Variants in RNF213 observed in about 807,000 individuals in gnomAD.
RNF213 encodes the protein E3 ubiquitin-protein ligase RNF213.
RNF213 carries 341 observed loss-of-function variants against 514.4 expected under a neutral mutation model. That is an observed-to-expected ratio of 0.66 (90% confidence interval 0.61 to 0.73). The LOEUF is 0.73. Ranked by LOEUF, RNF213 falls within the 30% of genes least tolerant of loss-of-function variation. The pLI is 0.00. For synonymous variants in RNF213, 2,655 were observed against 2,658.2 expected (o/e 1.00, Z 0.04); for missense variants, 5,767 against 6,615.6 (o/e 0.87, Z 4.45).
chr17:80,356,040 C>T (rs538504327), intron 36 of RNF213, among the ~76,000 whole-genome samples: 7 of 149,214 alleles, frequency 4.7e-5, no homozygotes, highest in South Asian at 2.1e-4. Flanking sequence ...CTCACTCTGT[C>T]GCCCAGGCTG....
In RNF213 at chr17:80,385,041, A is replaced by G. The variant is rs1490678664; in HGVS notation, c.14325A>G (p.Glu4775=). 6.2e-7 allele frequency: 1 copy of G among 1,614,228 alleles called. No individual in the cohort carries two copies. ...VPILWHFLQK[E]AELRLVKFLP... is the part of the protein sequence containing the mutation. Reference sequence around the variant, plus strand: ...CTGGGTGGTCTTCCCTTCTCCAGGAAGCAGAGCTGAGGCTGGTAAAGTTCC... The same window carrying G: ...CTGGGTGGTCTTCCCTTCTCCAGGAGGCAGAGCTGAGGCTGGTAAAGTTCC... The change falls in exon 60 of 68, where the codon GAA becomes GAG. Residue 4775 remains glutamate (E), a splice_region_variant and synonymous_variant. Transcript: ENST00000582970.
In RNF213 at chr17:80,363,753, A is replaced by G. The variant is rs1272164034; in HGVS notation, c.11713A>G (p.Ser3905Gly). Reference protein sequence around the residue: ...LICSDEHMQGSGSLAQAVIRE... With the variant: ...LICSDEHMQGGGSLAQAVIRE... ...CTGCTCCGATGAGCACATGCAAGGC[A>G]GCGGGAGCCTGGCCCAGGCTGTCAT... Residue 3905 changes from serine (S) to glycine (G), a missense_variant, in exon 41 of 68, where the codon AGC becomes GGC. By Grantham distance (56) the Ser-to-Gly change is moderately conservative. Around this residue, in one of 13 missense-constraint regions of RNF213, gnomAD observed 355 missense variants for 358.0 expected, o/e 0.99. Coordinates refer to ENST00000582970, the MANE Select transcript of RNF213 (RefSeq NM_001256071.3). 4 of 1,613,700 alleles carry G rather than the reference A, an allele frequency of 2.5e-6. No homozygotes were observed. The highest frequency in any genetic ancestry group is 1.3e-5 in the African/African-American group (1 of 74,946).
Position 80,339,777 on chromosome 17 carries a change from C to G in RNF213, c.5410C>G (p.His1804Asp). The G allele has an allele frequency of 6.5e-7, 1 of 1,535,786 alleles. No individual in the cohort carries two copies. The highest frequency in any genetic ancestry group is 8.7e-7 in the Non-Finnish European group (1 of 1,145,764). ...CTGCCTCGACCTAGAGACCCTTGGC[C>G]ACTGTCTGGCTCACCTGGCAGGGAT... ...PDCLDLETLG[H>D]CLAHLAGMGG... Residue 1804 changes from histidine (H) to aspartate (D), a missense_variant, in exon 26 of 68, where the codon CAC (histidine) becomes GAC (aspartate). His to Asp is a moderately conservative substitution (Grantham distance 81). Transcript: ENST00000582970.
intron 11 of RNF213, among the ~76,000 whole-genome samples, chr17:80,303,001 T>C (rs1276468193): frequency 6.6e-6 from 1 of 152,190 alleles, no homozygotes; most frequent in Non-Finnish European, 1.5e-5. Flanking sequence ...CTTGAAATGG[T>C]CTTTCTCTTA....
Position 80,349,822 on chromosome 17 carries a change from C to T in RNF213, c.10004C>T (p.Ser3335Leu), listed in dbSNP as rs771932090. ...AGTCACGACTGTGAAATTTTAGAAT[C>T]AGAGGTCACAGGCAGGGCTCCGAAA... is the stretch of plus-strand genomic sequence containing the variant. Reference protein sequence around the residue: ...LTSHDCEILESEVTGRAPKPT... With the variant: ...LTSHDCEILELEVTGRAPKPT... The change falls in exon 30 of 68, where the codon TCA (serine) becomes TTA (leucine). Residue 3335 changes from serine to leucine, a missense_variant. Transcript: ENST00000582970. 3 of 1,614,048 alleles carry T rather than the reference C, an allele frequency of 1.9e-6. No individual in the cohort carries two copies. The highest frequency in any genetic ancestry group is 4.5e-5 in the East Asian group (2 of 44,884).
rs770105492 is a variant in RNF213 at position 80,344,934 on chromosome 17, A to G, written c.6599A>G (p.His2200Arg). 32 of 1,614,034 alleles carry G rather than the reference A, an allele frequency of 2.0e-5. No individual in the cohort carries two copies. The highest frequency in any genetic ancestry group is 1.6e-4 in the Middle Eastern group (1 of 6,084). ...GGCACCCCGGAGGAATGCCTCCAGC[A>G]TTTCCTGTTTCACTGCGGGGTAATA... ...VEGTPEECLQ[H>R]FLFHCGVINP... The change falls in exon 29 of 68, where the codon CAT becomes CGT. Residue 2200 changes from histidine (H) to arginine (R), a missense_variant. Physicochemically the swap from His to Arg is conservative, Grantham distance 29 (BLOSUM62 0). Around this residue, in one of 13 missense-constraint regions of RNF213, gnomAD observed 1,377 missense variants for 1,635.2 expected, o/e 0.84. Coordinates refer to ENST00000582970, the MANE Select transcript of RNF213 (RefSeq NM_001256071.3).
chr17:80,291,711 A>G lies in RNF213; in HGVS notation c.1355A>G (p.Tyr452Cys). The G allele has an allele frequency of 6.2e-7, 1 of 1,614,216 alleles. No individual in the cohort carries two copies. The highest frequency in any genetic ancestry group is 8.5e-7 in the Non-Finnish European group (1 of 1,180,044). The change falls in exon 8 of 68, where the codon TAC (tyrosine) becomes TGC (cysteine). Residue 452 changes from tyrosine (Y) to cysteine (C), a missense_variant. Physicochemically the swap from Tyr to Cys is radical, Grantham distance 194. Transcript: ENST00000582970. ...CTAGATAAATACATTCCTTACAAGT[A>G]CGTCATTTATAATGGGGAATCTTTT... ...KHLDKYIPYK[Y>C]VIYNGESFEY... is the part of the protein sequence containing the mutation.
In RNF213 at chr17:80,360,056, T is replaced by C. The variant is rs970325203; in HGVS notation, c.11055-5T>C. On this transcript the variant is annotated splice_region_variant and splice_polypyrimidine_tract_variant and intron_variant, in intron 37 of 67. Transcript: ENST00000582970. ...CTCTTCTTATCATCCCTCACCTTAT[T>C]GCAGACATAAAGGTGAGATGGCCTA... 3 of 1,614,012 alleles carry C rather than the reference T, an allele frequency of 1.9e-6. No individual in the cohort carries two copies. Among genetic ancestry groups the C allele is most frequent in the Non-Finnish European group, 2.5e-6 (3 of 1,179,998 alleles).
intron 31 of RNF213, 39 bp downstream of exon 31, chr17:80,350,435 A>T (rs773071450): frequency 7.5e-6 from 10 of 1,335,412 alleles, no homozygotes; most frequent in Non-Finnish European, 1.1e-5. Flanking sequence ...TATGTAAAAA[A>T]CCCAAAACGT....
rs747442335 is a variant in RNF213 at position 80,369,770 on chromosome 17, C to T, written c.12328C>T (p.His4110Tyr). 7 of 1,613,198 alleles carry T rather than the reference C, an allele frequency of 4.3e-6. No homozygotes were observed. Among genetic ancestry groups the T allele is most frequent in the Non-Finnish European group, 5.1e-6 (6 of 1,179,306 alleles). The change falls in exon 46 of 68, where the codon CAC (histidine) becomes TAC (tyrosine). Residue 4110 changes from histidine (H) to tyrosine (Y), a missense_variant and splice_region_variant. By Grantham distance (83) the His-to-Tyr change is moderately conservative. This residue lies in a region of RNF213 where 93 missense variants were observed against 95.6 expected (regional missense o/e 0.97). Coordinates refer to ENST00000582970, the MANE Select transcript of RNF213 (RefSeq NM_001256071.3). ...TGCCTTTTTCTTTCTGGTTTAAGGA[C>T]ACTGTGAACACACAAAATCTCTCTC... Reference protein sequence around the residue: ...KGRLRDAAQRHCEHTKSLSPF... With the variant: ...KGRLRDAAQRYCEHTKSLSPF...
At position 80,389,378 on chromosome 17, in the gene RNF213, C is replaced by T; in HGVS notation, c.15195+11C>T. ...ATTCACGTGTTAAAGGTGGGTCTCA[C>T]ACCGAAAAGGAAATCAGCACAGCCC... On this transcript the variant is annotated intron_variant, in intron 65 of 67. Coordinates refer to ENST00000582970, the MANE Select transcript of RNF213 (RefSeq NM_001256071.3). 1 of 1,613,020 alleles carries T rather than the reference C, an allele frequency of 6.2e-7. No individual in the cohort carries two copies. The highest frequency in any genetic ancestry group is 1.1e-5 in the South Asian group (1 of 90,992).
Position 80,353,451 on chromosome 17 carries a change from C to T in RNF213, c.10424-61C>T, listed in dbSNP as rs1034272176. The stretch of plus-strand genomic sequence containing the variant: ...GAGCACACAGACTCCCAGATGGCAC[C>T]GCTGCCAGTCCCTGTGCCACCTTCT... On this transcript the variant is annotated intron_variant, in intron 33 of 67. Coordinates refer to ENST00000582970, the MANE Select transcript of RNF213 (RefSeq NM_001256071.3). The surrounding 1 kb of genome is among the most constrained non-coding windows in gnomAD (Gnocchi z 5.0). The T allele has an allele frequency of 3.1e-5, 48 of 1,543,506 alleles. No individual in the cohort carries two copies. The highest frequency in any genetic ancestry group is 4.7e-5 in the South Asian group (4 of 84,476).
Position 80,397,520 on chromosome 17 carries a change from C to G in RNF213, c.*4022C>G, listed in dbSNP as rs2080688601. 1 of 152,002 alleles carries G rather than the reference C, an allele frequency of 6.6e-6. No individual in the cohort carries two copies. Among genetic ancestry groups the G allele is most frequent in the African/African-American group, 2.4e-5 (1 of 41,384 alleles). 9.4% of individuals were successfully genotyped at this position (152,002 alleles called of 1,614,324 possible). On this transcript the variant is annotated 3_prime_UTR_variant, in exon 68 of 68. Transcript: ENST00000582970. The stretch of plus-strand genomic sequence containing the variant: ...AGATTACAGACATTATATAGAAAAG[C>G]ACCGTGAAAATCCCTGTCCTGTTCT...
Position 80,347,274 on chromosome 17 carries a change from C to T in RNF213, c.8939C>T (p.Ala2980Val). 1.9e-6 allele frequency: 3 copies of T among 1,613,794 alleles called. No homozygotes were observed. The highest frequency in any genetic ancestry group is 2.5e-6 in the Non-Finnish European group (3 of 1,179,938). The change falls in exon 29 of 68, where the codon GCA becomes GTA. Residue 2980 changes from alanine (A) to valine (V), a missense_variant. This residue lies in a region of RNF213 where 919 missense variants were observed against 1,121.0 expected (regional missense o/e 0.82). Transcript: ENST00000582970. The surrounding 1 kb of genome is among the most constrained non-coding windows in gnomAD (Gnocchi z 7.2). ...AGAAAGCCTTCCCCGCAAGACATTG[C>T]ACAGGCTGTCCTTAGGAACTTCAGT... is the stretch of plus-strand genomic sequence containing the variant. ...SNRKPSPQDIAQAVLRNFSGK... is the reference protein window; with the variant it reads ...SNRKPSPQDIVQAVLRNFSGK...
intron 2 of RNF213, among the ~76,000 whole-genome samples, chr17:80,269,231 T>G (rs1045322861): frequency 3.0e-4 from 45 of 152,084 alleles, no homozygotes; most frequent in African/African-American, 1.1e-3. Flanking sequence ...AATGTCAGTC[T>G]CCTCTGACAA....
rs200327542 is a variant in RNF213, at chr17:80,381,612, G to A, written c.13863G>A (p.Leu4621=). 2,449 of 1,614,232 alleles carry A rather than the reference G, an allele frequency of 1.5e-3. 47 individuals carry two copies. The South Asian group carries it at 0.026, about 17-fold the overall frequency. The change falls in exon 57 of 68, where the codon CTG becomes CTA. Residue 4621 remains leucine (L), a synonymous_variant. Coordinates refer to ENST00000582970, the MANE Select transcript of RNF213 (RefSeq NM_001256071.3). Reference sequence around the variant, plus strand: ...AAGGCTTTCTGCAGCAGCACATCCTGAAGGACCTGGAGCAGTTGGCCAAGA... The same window carrying A: ...AAGGCTTTCTGCAGCAGCACATCCTAAAGGACCTGGAGCAGTTGGCCAAGA... ...DPKGFLQQHI[L]KDLEQLAKML... is the part of the protein sequence containing the mutation.
rs1267259311 is a variant in RNF213 at position 80,377,349 on chromosome 17, C to T, written c.13510+386C>T. Among the ~76,000 whole-genome samples the T allele has an allele frequency of 6.6e-6, 1 of 151,478 alleles. No homozygotes were observed. The stretch of plus-strand genomic sequence containing the variant: ...GAAATATAGAACCGGGAGACTGACT[C>T]ATATAACCCATGACATGTAAATTTT... On this transcript the variant is annotated intron_variant, in intron 53 of 67. Transcript: ENST00000582970. The surrounding 1 kb of genome is among the most constrained non-coding windows in gnomAD (Gnocchi z 4.1).
chr17:80,303,881 G>A (rs796653271), intron 11 of RNF213, among the ~76,000 whole-genome samples: 2 of 150,558 alleles, frequency 1.3e-5, no homozygotes, highest in African/African-American at 4.9e-5. Context: ...GCCAGCCGTT[G>A]GGAACCAATT....
At position 80,332,437 on chromosome 17, in the gene RNF213, C is replaced by A. The variant is rs770471430; in HGVS notation, c.3949C>A (p.Leu1317Met). 116 of 1,537,048 alleles carry A rather than the reference C, an allele frequency of 7.5e-5. No homozygotes were observed. The Middle Eastern group carries it at 1.0e-3, about 13-fold the overall frequency. ...GGACTTTGTGAATAAATACACGGAC[C>A]TGGATTCAGAACTTAAGATCATGTG... ...FKDFVNKYTD[L>M]DSELKIMCTV... is the part of the protein sequence containing the mutation. The change falls in exon 21 of 68, where the codon CTG (leucine) becomes ATG (methionine). Residue 1317 changes from leucine to methionine, a missense_variant. Physicochemically the swap from Leu to Met is conservative, Grantham distance 15. This residue lies in a region of RNF213 where 516 missense variants were observed against 566.5 expected (regional missense o/e 0.91). Coordinates refer to ENST00000582970, the MANE Select transcript of RNF213 (RefSeq NM_001256071.3).
Sources: gnomAD v4.1 joint callset for allele counts (sites outside exome capture counted in the v4.1 genomes callset) on GRCh38, gnomAD v4.1.1 for gene constraint, gnomAD v4.1.1 regional missense constraint, Gnocchi (gnomAD v3.1) non-coding constraint, MANE v1.5 for transcripts, NCBI Gene and HGNC (gene_info 2026-07-23, HGNC 2026-07-21) for gene names.